ZFAND3: variants seen among roughly 807,000 people sequenced by gnomAD.
ZFAND3 encodes zinc finger AN1-type containing 3.
Under a neutral mutation model 29.6 loss-of-function variants are expected in ZFAND3, and 10 were observed. The observed-to-expected ratio is 0.34, with a 90% CI of 0.21 to 0.57. The LOEUF (loss-of-function observed/expected upper bound fraction) is 0.57. Among genes scored for constraint, ZFAND3 ranks in the 20% least tolerant of loss-of-function variants. ZFAND3 has a pLI of 0.86. For synonymous variants in ZFAND3, 128 were observed against 112.6 expected (o/e 1.14, Z -0.87); for missense variants, 230 against 304.5 (o/e 0.76, Z 1.82).
intron 2 of ZFAND3, among the ~76,000 whole-genome samples, chr6:37,977,903 C>CTCTTCCTTTCTTCCTTTCTTCCGT (rs1263457529): frequency 8.6e-5 from 10 of 116,728 alleles, no homozygotes; most frequent in Admixed American, 7.8e-4. Context: ...CTCTCCTCTC[C>CTCTTCCTTTCTTCCTTTCTTCCGT]TCTTCCTTTC....
chr6:38,062,936 A>C (rs1764270632), intron 3 of ZFAND3, among the ~76,000 whole-genome samples: 1 of 151,832 alleles, frequency 6.6e-6, no homozygotes, highest in Non-Finnish European at 1.5e-5. Context: ...AAAAAAAAAA[A>C]AAATTAGCCA....
At chr6:38,152,118 AGT>A in intron 5 of ZFAND3, 115 bp from the exon 6 acceptor site, 1 of 961,934 alleles carries the variant, frequency 1.0e-6, no homozygotes, top group South Asian at 2.1e-5. Context: ...CCCTGCAGTG[AGT>A]GTTGTCCACT....
chr6:37,839,235 C>T (rs1290109718), intron 1 of ZFAND3, among the ~76,000 whole-genome samples: 1 of 150,936 alleles, frequency 6.6e-6, no homozygotes. Flanking sequence ...GGCTGGAGTG[C>T]AGTGGCGCGA....
At position 37,882,794 on chromosome 6, in the gene ZFAND3, T is replaced by C. The variant is rs542589497; in HGVS notation, c.72-47165T>C. On this transcript the variant is annotated intron_variant, in intron 1 of 5. Transcript: ENST00000287218. ...TTGGCATTTCTTTACAGAAATCCTC[T>C]TTGTTTCTATGTCTGTTCACTGTGG... is the stretch of plus-strand genomic sequence containing the variant. Among the ~76,000 whole-genome samples the C allele has an allele frequency of 5.3e-5, 8 of 152,360 alleles. No individual in the cohort carries two copies. In the East Asian group the frequency reaches 1.5e-3, roughly 29 times the overall value.
chr6:38,152,254 A>G lies in ZFAND3; in HGVS notation c.549A>G (p.Leu183=). ...SCRCGYVFCM[L]HRLPEQHDCT... ...CTGCAGGTTATGTGTTCTGTATGTTACATCGCCTCCCCGAGCAGCACGACT... is the reference window on the plus strand; with the variant it reads ...CTGCAGGTTATGTGTTCTGTATGTTGCATCGCCTCCCCGAGCAGCACGACT... The change falls in exon 6 of 6, where the codon TTA becomes TTG. Residue 183 remains leucine (L), a synonymous_variant. Coordinates refer to ENST00000287218, the MANE Select transcript of ZFAND3 (RefSeq NM_021943.3). The G allele has an allele frequency of 6.4e-7, 1 of 1,571,862 alleles. No individual in the cohort carries two copies. Among genetic ancestry groups the G allele is most frequent in the Non-Finnish European group, 8.6e-7 (1 of 1,160,270 alleles).
Position 38,110,044 on chromosome 6 carries a change from C to T in ZFAND3, c.362-6528C>T, listed in dbSNP as rs919143834. ...GGGAGACTAATGCTTAGGAATTATACTGCCTGGCAGTTTGTGAACAACTGA... is the reference window on the plus strand; with the variant it reads ...GGGAGACTAATGCTTAGGAATTATATTGCCTGGCAGTTTGTGAACAACTGA... On this transcript the variant is annotated intron_variant, in intron 4 of 5. Coordinates refer to ENST00000287218, the MANE Select transcript of ZFAND3 (RefSeq NM_021943.3). Among the ~76,000 whole-genome samples the T allele has an allele frequency of 5.7e-4, 87 of 152,294 alleles. 4 individuals are homozygous for T. Among genetic ancestry groups the T allele is most frequent in the Non-Finnish European group, 2.2e-4 (15 of 68,026 alleles).
intron 3 of ZFAND3, among the ~76,000 whole-genome samples, chr6:38,064,344 C>T: frequency 6.6e-6 from 1 of 152,176 alleles, no homozygotes; most frequent in East Asian, 1.9e-4. Flanking sequence ...CATATTTTCT[C>T]ATTGTTTTTC....
chr6:38,006,660 T>G (rs1228047400), intron 2 of ZFAND3, among the ~76,000 whole-genome samples: 1 of 150,070 alleles, frequency 6.7e-6, no homozygotes, highest in Non-Finnish European at 1.5e-5. Flanking sequence ...AGAGGGTTTT[T>G]TTTTTTTTTT....
intron 2 of ZFAND3, among the ~76,000 whole-genome samples, chr6:38,002,295 T>G (rs1309266218): frequency 6.6e-6 from 1 of 151,690 alleles, no homozygotes; most frequent in East Asian, 1.9e-4. Flanking sequence ...CTTTTTTTTT[T>G]TTTTTTAAAG....
intron 1 of ZFAND3, among the ~76,000 whole-genome samples, chr6:37,899,364 CG>C (rs1297872446): frequency 6.6e-6 from 1 of 152,008 alleles, no homozygotes; most frequent in African/African-American, 2.4e-5. Context: ...TTTCCTGCAT[CG>C]GGGAAAAGCG....
chr6:38,063,713 C>T (rs1488962860), intron 3 of ZFAND3, among the ~76,000 whole-genome samples: 3 of 152,092 alleles, frequency 2.0e-5, no homozygotes, highest in Non-Finnish European at 4.4e-5. Flanking sequence ...AAAGACAAGG[C>T]TGGAAGGGTA....
At chr6:37,941,830 C>T (rs1211671624) in intron 2 of ZFAND3, among the ~76,000 whole-genome samples, 1 of 152,084 alleles carries the variant, frequency 6.6e-6, no homozygotes, top group Non-Finnish European at 1.5e-5. Flanking sequence ...GAAAAAAACT[C>T]CTGTTTTGTT....
At chr6:37,896,548 T>TTC (rs1765213046) in intron 1 of ZFAND3, among the ~76,000 whole-genome samples, 1 of 129,942 alleles carries the variant, frequency 7.7e-6, no homozygotes, top group Non-Finnish European at 1.6e-5. Flanking sequence ...CTTTCTTTCT[T>TTC]TCTTTCTTTC....
rs71542151 is a variant in ZFAND3 at position 37,937,653 on chromosome 6, C to CAAAA, written c.112+7671_112+7674dup. Among the ~76,000 whole-genome samples the CAAAA allele has an allele frequency of 8.1e-3, 683 of 84,832 alleles. 34 individuals carry two copies. The East Asian group carries it at 0.13, about 17-fold the overall frequency. 55.7% of individuals were successfully genotyped at this position (84,832 alleles called of 152,430 possible). On this transcript the variant is annotated intron_variant, in intron 2 of 5. Transcript: ENST00000287218. ...CTAGCGACAGAGCGAGACTCCGTCT[C>CAAAA]AAAAAAAAAAAAAAAAAAAAGGCAA...
At position 37,980,277 on chromosome 6, in the gene ZFAND3, G is replaced by A. The variant is rs1029334209; in HGVS notation, c.112+50278G>A. 3.3e-5 allele frequency among the ~76,000 whole-genome samples: 5 copies of A among 151,826 alleles called. No individual in the cohort carries two copies. In the South Asian group the frequency reaches 8.3e-4, roughly 25 times the overall value. On this transcript the variant is annotated intron_variant, in intron 2 of 5. Coordinates refer to ENST00000287218, the MANE Select transcript of ZFAND3 (RefSeq NM_021943.3). ...AATCCAGTCCCTGTTAACCTGCCTC[G>A]CTTGGATGTAGTTGTTTTTAATGTA...
intron 5 of ZFAND3, among the ~76,000 whole-genome samples, chr6:38,149,955 C>T (rs1323635771): frequency 6.6e-6 from 1 of 152,182 alleles, no homozygotes; most frequent in African/African-American, 2.4e-5. Flanking sequence ...AGAAGTATGT[C>T]AGGACTTGGT....
intron 1 of ZFAND3, among the ~76,000 whole-genome samples, chr6:37,911,909 A>G (rs1479969930): frequency 6.6e-6 from 1 of 152,154 alleles, no homozygotes; most frequent in African/African-American, 2.4e-5. Flanking sequence ...TCAGTTGAGT[A>G]GAGTGTTGCC....
intron 1 of ZFAND3, among the ~76,000 whole-genome samples, chr6:37,915,896 A>G (rs1761240013): frequency 6.6e-6 from 1 of 152,094 alleles, no homozygotes; most frequent in African/African-American, 2.4e-5. Flanking sequence ...CAGGCTCCCA[A>G]GTAGCTGGGA....
At chr6:37,928,260 A>G (rs1266754707) in intron 1 of ZFAND3, among the ~76,000 whole-genome samples, 1 of 152,154 alleles carries the variant, frequency 6.6e-6, no homozygotes, top group African/African-American at 2.4e-5. Context: ...TTCCTGAGGG[A>G]GGCTTGCTTT....
Sources: allele counts gnomAD v4.1 joint callset (sites outside exome capture counted in the v4.1 genomes callset), GRCh38; gene constraint gnomAD v4.1.1; transcripts MANE v1.5; gene names NCBI Gene and HGNC (gene_info 2026-07-23, HGNC 2026-07-21).